The following PCNX2 variants were observed in gnomAD, a reference collection of about 807,000 sequenced individuals.
PCNX2 encodes pecanex 2, also known as pecanex-like protein 2.
Under a neutral mutation model 223.8 loss-of-function variants are expected in PCNX2, and 168 were observed. The ratio of observed to expected loss-of-function variants is 0.75; its 90% CI spans 0.66 to 0.85. The LOEUF is 0.85. PCNX2 is among the 40% of genes least tolerant of loss of function. The probability of loss-of-function intolerance (pLI) is 0.00; values close to 1 mark genes in which losing one functional copy is unlikely to be tolerated. For missense variants in PCNX2, 2,507 were observed against 2,675.5 expected, an observed-to-expected ratio of 0.94 and a Z score of 1.39; for synonymous variants, 1,006 against 1,052.6, an observed-to-expected ratio of 0.96 and a Z score of 0.86.
chr1:233,186,365 G>A (rs1469780342), intron 15 of PCNX2, among the ~76,000 whole-genome samples: 6 of 152,208 alleles, frequency 3.9e-5, no homozygotes, highest in Non-Finnish European at 7.4e-5. Flanking sequence ...GGAGCGCTGG[G>A]CCCATAAAGT....
chr1:233,078,705 G>A (rs1028203076), intron 23 of PCNX2, among the ~76,000 whole-genome samples: 3 of 152,162 alleles, frequency 2.0e-5, no homozygotes, highest in African/African-American at 7.2e-5. Flanking sequence ...TCGCATGGTC[G>A]GCTACACTAT....
At chr1:233,057,695 C>A in intron 23 of PCNX2, 1 of 190,330 alleles carries the variant, frequency 5.3e-6, no homozygotes, top group Non-Finnish European at 9.9e-6. Flanking sequence ...CAGTGTGAAA[C>A]TCCATCTCTA....
At chr1:233,078,269 C>T (rs191843590) in intron 23 of PCNX2, among the ~76,000 whole-genome samples, 64 of 152,282 alleles carry the variant, frequency 4.2e-4, no homozygotes, top group African/African-American at 1.4e-3. Flanking sequence ...GAGTATTGGC[C>T]GATCTCAGGG....
chr1:233,288,358 G>C (rs553122757), intron 1 of PCNX2, among the ~76,000 whole-genome samples: 1 of 152,274 alleles, frequency 6.6e-6, no homozygotes, highest in African/African-American at 2.4e-5. Flanking sequence ...TCACTAATGG[G>C]GGGAAATCTC....
At chr1:233,160,483 G>C in intron 18 of PCNX2, 50 bp from the exon 19 acceptor site, 2 of 1,561,964 alleles carry the variant, frequency 1.3e-6, no homozygotes, top group Non-Finnish European at 1.8e-6. Context: ...AGGATGGGGA[G>C]AGGGATGCCC....
intron 19 of PCNX2, among the ~76,000 whole-genome samples, chr1:233,154,282 G>A (rs1411551243): frequency 2.0e-5 from 3 of 152,108 alleles, no homozygotes; most frequent in Admixed American, 6.6e-5. Context: ...GGGTTTCACC[G>A]TGTTAGCCAG....
chr1:233,122,344 A>T (rs891782817), intron 21 of PCNX2, among the ~76,000 whole-genome samples: 4 of 152,156 alleles, frequency 2.6e-5, no homozygotes, highest in African/African-American at 9.7e-5. Context: ...CCCCCAAAGG[A>T]AGTGAAACAT....
intron 9 of PCNX2, among the ~76,000 whole-genome samples, chr1:233,236,354 T>C (rs1405608403): frequency 6.6e-6 from 1 of 152,128 alleles, no homozygotes; most frequent in East Asian, 1.9e-4. Context: ...AAGTTATCTC[T>C]TAGTAAAATA....
At chr1:232,988,720 C>T (rs1316188240) in intron 32 of PCNX2, among the ~76,000 whole-genome samples, 1 of 152,212 alleles carries the variant, frequency 6.6e-6, no homozygotes, top group Non-Finnish European at 1.5e-5. Context: ...CCTCTCCAAT[C>T]TGGGATTCGG....
At chr1:233,124,284 T>C (rs891727964) in intron 21 of PCNX2, among the ~76,000 whole-genome samples, 4 of 152,094 alleles carry the variant, frequency 2.6e-5, no homozygotes, top group Admixed American at 6.6e-5. Context: ...GCCTTATGAA[T>C]TGATGTTATT....
Position 232,984,135 on chromosome 1 carries a change from T to TTTAA in PCNX2, c.*168_*169insTTAA. 8.3e-6 allele frequency: 1 copy of TTTAA among 119,948 alleles called. No individual in the cohort carries two copies. The highest frequency in any genetic ancestry group is 1.7e-5 in the Non-Finnish European group (1 of 57,778). The allele number at this position is 119,948 out of a possible 1,614,324, so 7.4% of individuals were successfully genotyped here. ...TTTTTTTTTTTTTTTTTTTTTTTTT[T>TTTAA]CAAAAACCTGAGATCAGTTCTGTGT... On this transcript the variant is annotated 3_prime_UTR_variant, in exon 34 of 34. Transcript: ENST00000258229.
rs78213954 is a variant in PCNX2, at chr1:233,065,225, G to A, written c.4077-7935C>T. ...CAAGGTGAAGTTTCTAAGATTCTGTGTAAACATACATGTGTGCTCACAGGC... is the reference window on the plus strand; with the variant it reads ...CAAGGTGAAGTTTCTAAGATTCTGTATAAACATACATGTGTGCTCACAGGC... On this transcript the variant is annotated intron_variant, in intron 23 of 33. Coordinates refer to ENST00000258229, the MANE Select transcript of PCNX2 (RefSeq NM_014801.4). Among the ~76,000 whole-genome samples, 59 of 152,242 alleles carry A rather than the reference G, an allele frequency of 3.9e-4. 1 individual carries two copies. Among genetic ancestry groups the A allele is most frequent in the Non-Finnish European group, 4.7e-4 (32 of 68,028 alleles).
intron 21 of PCNX2, among the ~76,000 whole-genome samples, chr1:233,130,782 A>ACC (rs535216587): frequency 4.2e-5 from 6 of 142,026 alleles, no homozygotes; most frequent in African/African-American, 7.9e-5. Flanking sequence ...TGTGCCCGGC[A>ACC]CCCCCCCCTT....
At chr1:233,152,143 G>A (rs1340606472) in intron 19 of PCNX2, among the ~76,000 whole-genome samples, 1 of 152,112 alleles carries the variant, frequency 6.6e-6, no homozygotes, top group Non-Finnish European at 1.5e-5. Context: ...GGAAAATGAG[G>A]GGAAGAGAGG....
chr1:233,101,515 C>G (rs1474626521), intron 21 of PCNX2, among the ~76,000 whole-genome samples: 3 of 152,054 alleles, frequency 2.0e-5, no homozygotes, highest in African/African-American at 7.2e-5. Context: ...TGTTGGGAGC[C>G]CATTAAATAG....
chr1:233,235,958 A>AAATATATATATG (rs1558376430), intron 9 of PCNX2, among the ~76,000 whole-genome samples: 1 of 19,362 alleles, frequency 5.2e-5, no homozygotes, highest in Non-Finnish European at 1.8e-4. Context: ...ATAAAAAAAA[A>AAATATATATATG]TATATATATA....
chr1:233,212,193 C>T (rs1454002983), intron 12 of PCNX2, among the ~76,000 whole-genome samples: 1 of 152,162 alleles, frequency 6.6e-6, no homozygotes, highest in Non-Finnish European at 1.5e-5. Context: ...CAAGCAAGGA[C>T]AGCTGGGGGC....
intron 25 of PCNX2, chr1:233,032,880 T>G (rs1671318425): frequency 1.5e-6 from 1 of 684,102 alleles, no homozygotes; most frequent in South Asian, 6.6e-5. Flanking sequence ...TTGGGTAATC[T>G]GCTCTTAGGA....
chr1:233,248,277 C>T (rs552711233), intron 8 of PCNX2, among the ~76,000 whole-genome samples: 1 of 152,094 alleles, frequency 6.6e-6, no homozygotes, highest in African/African-American at 2.4e-5. Flanking sequence ...CCAGCCCCTT[C>T]CAGTCTCGGG....
Sources: gnomAD v4.1 joint callset for allele counts (sites outside exome capture counted in the v4.1 genomes callset) on GRCh38, gnomAD v4.1.1 for gene constraint, MANE v1.5 for transcripts, NCBI Gene and HGNC (gene_info 2026-07-23, HGNC 2026-07-21) for gene names.